The following UTP20 variants were observed in gnomAD, a reference collection of about 807,000 sequenced individuals.
The protein encoded by UTP20 is UTP20 small subunit processome component, also known as small subunit processome component 20 homolog.
In UTP20, 164 loss-of-function variants were observed where a neutral mutation model predicts 329.5. The ratio of observed to expected loss-of-function variants is 0.50; its 90% confidence interval spans 0.44 to 0.57. The LOEUF (loss-of-function observed/expected upper bound fraction) is 0.57, where lower values mean the gene tolerates loss of function less well. Ranked by LOEUF, UTP20 falls within the 20% of genes least tolerant of loss-of-function variation. The pLI is 0.00. For synonymous variants in UTP20, 1,151 were observed against 1,159.3 expected (o/e 0.99, Z 0.14); for missense variants, 3,055 against 3,284.2 (o/e 0.93, Z 1.71).
Position 101,329,287 on chromosome 12 carries a change from G to C in UTP20, c.3255G>C (p.Leu1085Phe), listed in dbSNP as rs1247082410. ...TTCAAGCAGTAGAAGACTTGGATTTGTCTAAAGTTCTTCCTTTAGGTCGTC... is the reference window on the plus strand; with the variant it reads ...TTCAAGCAGTAGAAGACTTGGATTTCTCTAAAGTTCTTCCTTTAGGTCGTC... ...AVIQAVEDLD[L>F]SKVLPLGRQH... The change falls in exon 27 of 62, where the codon TTG becomes TTC. Residue 1085 changes from leucine (L) to phenylalanine (F), a missense_variant. Transcript: ENST00000261637. 4.3e-6 allele frequency: 7 copies of C among 1,614,120 alleles called. No individual in the cohort carries two copies. Among genetic ancestry groups the C allele is most frequent in the Non-Finnish European group, 5.9e-6 (7 of 1,180,024 alleles).
chr12:101,305,460 G>A (rs1374399352), intron 15 of UTP20, among the ~76,000 whole-genome samples: 5 of 150,488 alleles, frequency 3.3e-5, no homozygotes, highest in Non-Finnish European at 5.9e-5. Flanking sequence ...CCCAGAGCTC[G>A]TGTGTCAGAC....
rs760596078 is a variant in UTP20, at chr12:101,302,476, A to G, written c.1704A>G (p.Val568=). The change falls in exon 15 of 62, where the codon GTA becomes GTG. Residue 568 remains valine (V), a synonymous_variant. Transcript: ENST00000261637. ...ACTTATTTGTTCTTTGTCAAGCTGT[A>G]AATACTCTACTAAGTTTGGAAGAAT... ...KGNLFVLCQA[V]NTLLSLEESS... 12 of 1,609,534 alleles carry G rather than the reference A, an allele frequency of 7.5e-6. No individual in the cohort carries two copies. The highest frequency in any genetic ancestry group is 1.0e-5 in the Non-Finnish European group (12 of 1,178,828).
At chr12:101,282,588 A>G (rs1278640701) in intron 2 of UTP20, among the ~76,000 whole-genome samples, 1 of 152,180 alleles carries the variant, frequency 6.6e-6, no homozygotes, top group Non-Finnish European at 1.5e-5. Flanking sequence ...TTTATCCTGA[A>G]GCTGTAGGGA....
intron 2 of UTP20, among the ~76,000 whole-genome samples, chr12:101,282,320 T>C (rs1871827339): frequency 6.6e-6 from 1 of 152,138 alleles, no homozygotes; most frequent in Non-Finnish European, 1.5e-5. Context: ...TTTGTTTATA[T>C]AGGTTTTAGC....
At chr12:101,382,156 G>C (rs1317311606) in intron 58 of UTP20, among the ~76,000 whole-genome samples, 1 of 152,018 alleles carries the variant, frequency 6.6e-6, no homozygotes, top group Non-Finnish European at 1.5e-5. Context: ...TGTAACATCA[G>C]CACTTCAGGA....
chr12:101,364,063 T>A lies in UTP20; in HGVS notation c.5958+320T>A, dbSNP rs1429541476. Reference sequence around the variant, plus strand: ...TAGTGCTTATCTTTGAGGTTGAGGTTGTGAGTAACATTTCCTTATATGTTA... The same window carrying A: ...TAGTGCTTATCTTTGAGGTTGAGGTAGTGAGTAACATTTCCTTATATGTTA... On this transcript the variant is annotated intron_variant, in intron 45 of 61. Transcript: ENST00000261637. Among the ~76,000 whole-genome samples, 3 of 152,162 alleles carry A rather than the reference T, an allele frequency of 2.0e-5. No individual in the cohort carries two copies. The East Asian group carries it at 5.8e-4, about 29-fold the overall frequency.
At chr12:101,334,115 T>C (rs1276764147) in intron 28 of UTP20, among the ~76,000 whole-genome samples, 1 of 152,244 alleles carries the variant, frequency 6.6e-6, no homozygotes. Flanking sequence ...AGGTATAGAC[T>C]GAAGGAGAGA....
At chr12:101,284,994 G>A (rs368718172) in intron 2 of UTP20, among the ~76,000 whole-genome samples, 2 of 152,100 alleles carry the variant, frequency 1.3e-5, no homozygotes, top group East Asian at 3.9e-4. Context: ...CTTTTTAGTA[G>A]CCACATAATA....
At chr12:101,360,509 CTATA>C (rs1869875873) in intron 43 of UTP20, among the ~76,000 whole-genome samples, 1 of 152,018 alleles carries the variant, frequency 6.6e-6, no homozygotes, top group African/African-American at 2.4e-5. Context: ...CGGGAACCGT[CTATA>C]TATAAAAGTA....
At chr12:101,293,441 T>A (rs1565786028) in intron 11 of UTP20, among the ~76,000 whole-genome samples, 196 bp downstream of exon 11, 2 of 152,204 alleles carry the variant, frequency 1.3e-5, no homozygotes, top group Non-Finnish European at 2.9e-5. Context: ...CTTTAGGTAG[T>A]TACAGAACCG....
At chr12:101,360,872 G>A (rs904650790) in intron 43 of UTP20, among the ~76,000 whole-genome samples, 1 of 152,042 alleles carries the variant, frequency 6.6e-6, no homozygotes, top group Admixed American at 6.6e-5. Flanking sequence ...GAAACTATGC[G>A]TTTAAGACCC....
At chr12:101,314,657 C>CAA (rs780649389) in intron 21 of UTP20, among the ~76,000 whole-genome samples, 37 of 105,738 alleles carry the variant, frequency 3.5e-4, no homozygotes, top group East Asian at 2.0e-3. Flanking sequence ...GACTCTGTCT[C>CAA]AAAAAAAAAA....
At chr12:101,308,981 C>T (rs571311360) in intron 18 of UTP20, among the ~76,000 whole-genome samples, 29 of 152,118 alleles carry the variant, frequency 1.9e-4, no homozygotes, top group African/African-American at 6.7e-4. Flanking sequence ...GATCCGCCCT[C>T]CTCGGCGTCC....
intron 27 of UTP20, among the ~76,000 whole-genome samples, chr12:101,329,854 A>T (rs1251434675): frequency 6.6e-6 from 1 of 151,998 alleles, no homozygotes; most frequent in African/African-American, 2.4e-5. Context: ...AAAGTAAAAA[A>T]ATTAGCCAGG....
chr12:101,324,672 G>A (rs1180260193), intron 25 of UTP20, among the ~76,000 whole-genome samples: 2 of 152,056 alleles, frequency 1.3e-5, no homozygotes, highest in Non-Finnish European at 2.9e-5. Flanking sequence ...TTCTGCACTG[G>A]TTTGTTTATA....
chr12:101,319,656 G>C (rs201682109), intron 23 of UTP20, 21 bp downstream of exon 23: 48 of 1,559,984 alleles, frequency 3.1e-5, no homozygotes, highest in Admixed American at 9.9e-5. Context: ...TAAACTCTTG[G>C]CATTATAATT....
chr12:101,363,168 T>G lies in UTP20; in HGVS notation c.5791-408T>G, dbSNP rs977906378. Among the ~76,000 whole-genome samples the G allele has an allele frequency of 4.9e-5, 5 of 102,210 alleles. 2 individuals are homozygous for G. The highest frequency in any genetic ancestry group is 2.9e-4 in the Admixed American group (3 of 10,416). The allele number at this position is 102,210 out of a possible 152,430, so 67.1% of individuals were successfully genotyped here. ...GTAATTAATTAGACTAATAATTAAT[T>G]AGATTGCAAATATTTGTAATTTATA... On this transcript the variant is annotated intron_variant, in intron 44 of 61. Transcript: ENST00000261637.
intron 31 of UTP20, among the ~76,000 whole-genome samples, chr12:101,339,292 G>A (rs994495843): frequency 6.6e-6 from 1 of 151,926 alleles, no homozygotes; most frequent in Non-Finnish European, 1.5e-5. Context: ...CAGCCTGGGC[G>A]ACAGAGTGAG....
At position 101,372,935 on chromosome 12, in the gene UTP20, A is replaced by G. The variant is rs1413987690; in HGVS notation, c.6850A>G (p.Asn2284Asp). ...DYPLGDKLRP[N>D]LEFMLAQLNY... is the part of the protein sequence containing the mutation. ...TCCCCTGGGTGACAAATTGAGACCA[A>G]ACTTGGAATTCATGCTCGCTCAACT... The change falls in exon 52 of 62, where the codon AAC (asparagine) becomes GAC (aspartate). Residue 2284 changes from asparagine (N) to aspartate (D), a missense_variant. Around this residue, in one of 3 missense-constraint regions of UTP20, gnomAD observed 273 missense variants for 363.1 expected, o/e 0.75. Coordinates refer to ENST00000261637, the MANE Select transcript of UTP20 (RefSeq NM_014503.3). 1.2e-6 allele frequency: 2 copies of G among 1,614,068 alleles called. No homozygotes were observed. Among genetic ancestry groups the G allele is most frequent in the Non-Finnish European group, 8.5e-7 (1 of 1,180,024 alleles).
Sources: gnomAD v4.1 joint callset for allele counts (sites outside exome capture counted in the v4.1 genomes callset) on GRCh38, gnomAD v4.1.1 for gene constraint, gnomAD v4.1.1 regional missense constraint, MANE v1.5 for transcripts, NCBI Gene and HGNC (gene_info 2026-07-23, HGNC 2026-07-21) for gene names.